TRIM8: variants seen among roughly 807,000 people sequenced by gnomAD.
The protein encoded by TRIM8 is E3 ubiquitin-protein ligase TRIM8.
Under a neutral mutation model 55.7 loss-of-function variants are expected in TRIM8, and 9 were observed. The ratio of observed to expected loss-of-function variants is 0.16; its 90% CI spans 0.10 to 0.28. TRIM8 has a LOEUF of 0.28. TRIM8 is among the 10% of genes least tolerant of loss of function. TRIM8 has a pLI of 1.00. For missense variants in TRIM8, 556 were observed against 736.4 expected (o/e 0.76, Z 2.83); for synonymous variants, 335 against 333.3 (o/e 1.01, Z -0.06).
chr10:102,656,604 TA>T lies in TRIM8; in HGVS notation c.1049-141del. On this transcript the variant is annotated intron_variant, in intron 5 of 5. Transcript: ENST00000643721. This position sits in a 1 kb window ranked among gnomAD's most constrained non-coding sequence, Gnocchi z 4.6. ...GGGGATATAACTATTCTGTACCTCC[TA>T]ATGGTAGAGGAGCAAGCATCACCTG... 7.3e-7 allele frequency: 1 copy of T among 1,376,842 alleles called. No homozygotes were observed. The highest frequency in any genetic ancestry group is 9.8e-7 in the Non-Finnish European group (1 of 1,019,514). The allele number at this position is 1,376,842 out of a possible 1,614,324, so 85.3% of individuals were successfully genotyped here.
intron 1 of TRIM8, among the ~76,000 whole-genome samples, chr10:102,652,761 G>A (rs898305614): frequency 1.1e-4 from 16 of 151,972 alleles, no homozygotes; most frequent in African/African-American, 3.4e-4. Flanking sequence ...CGTAGGTACT[G>A]GGCACTTGAA....
chr10:102,653,740 G>T (rs2064002517), intron 1 of TRIM8: 2 of 151,964 alleles, frequency 1.3e-5, no homozygotes, highest in African/African-American at 4.8e-5. Flanking sequence ...GAACAAGGGA[G>T]GGGGTGACTG....
rs749803935 is a variant in TRIM8, at chr10:102,657,342, C to T, written c.1644C>T (p.Tyr548=). Residue 548 remains tyrosine (Y), a synonymous_variant, in exon 6 of 6, where the codon TAC becomes TAT. Coordinates refer to ENST00000643721, the MANE Select transcript of TRIM8 (RefSeq NM_030912.3). The part of the protein sequence containing the change: ...RVYGQPSTKH[Y]VTS ...ATGGGCAGCCGTCCACCAAACACTA[C>T]GTGACGAGCTAACGCCACGCAGGCG... 9.5e-6 allele frequency: 15 copies of T among 1,577,458 alleles called. No homozygotes were observed. Among genetic ancestry groups the T allele is most frequent in the Non-Finnish European group, 1.2e-5 (14 of 1,158,148 alleles).
chr10:102,656,278 C>T lies in TRIM8; in HGVS notation c.941C>T (p.Thr314Ile), dbSNP rs757629566. ...SVKILMDRTQTCTSSSLSPTK... is the reference protein window; with the variant it reads ...SVKILMDRTQICTSSSLSPTK... ...CCGTCCACTGCCCCCAGGACCCAGACCTGCACGAGCAGCAGCCTTTCCCCC... is the reference window on the plus strand; with the variant it reads ...CCGTCCACTGCCCCCAGGACCCAGATCTGCACGAGCAGCAGCCTTTCCCCC... The change falls in exon 5 of 6, where the codon ACC (threonine) becomes ATC (isoleucine). Residue 314 changes from threonine to isoleucine, a missense_variant. By Grantham distance (89) the Thr-to-Ile change is moderately conservative. Around this residue, in one of 2 missense-constraint regions of TRIM8, gnomAD observed 391 missense variants for 441.0 expected, o/e 0.89. Transcript: ENST00000643721. This position sits in a 1 kb window ranked among gnomAD's most constrained non-coding sequence, Gnocchi z 4.6. 1 of 1,614,210 alleles carries T rather than the reference C, an allele frequency of 6.2e-7. No homozygotes were observed. Among genetic ancestry groups the T allele is most frequent in the Non-Finnish European group, 8.5e-7 (1 of 1,180,028 alleles).
Position 102,656,970 on chromosome 10 carries a change from C to G in TRIM8, c.1272C>G (p.His424Gln). The change falls in exon 6 of 6, where the codon CAC becomes CAG. Residue 424 changes from histidine to glutamine, a missense_variant. By Grantham distance (24) the His-to-Gln change is conservative. Transcript: ENST00000643721. The surrounding 1 kb of genome is among the most constrained non-coding windows in gnomAD (Gnocchi z 4.6). ...QPLGPCSSTQ[H>Q]LVALPGGAQP... ...TGGGGCCCTGCAGCTCCACGCAGCA[C>G]TTGGTGGCCCTGCCGGGCGGCGCCC... The G allele has an allele frequency of 6.2e-7, 1 of 1,612,630 alleles. No individual in the cohort carries two copies. The highest frequency in any genetic ancestry group is 8.5e-7 in the Non-Finnish European group (1 of 1,179,636).
intron 1 of TRIM8, among the ~76,000 whole-genome samples, chr10:102,648,820 TG>T (rs1435531291): frequency 6.6e-6 from 1 of 151,990 alleles, no homozygotes; most frequent in Non-Finnish European, 1.5e-5. Flanking sequence ...GTGACGGTCA[TG>T]TGGCCCCTTC....
At chr10:102,655,387 C>T in intron 3 of TRIM8, 74 bp downstream of exon 3, 2 of 1,380,008 alleles carry the variant, frequency 1.4e-6, no homozygotes, top group South Asian at 2.5e-5. Flanking sequence ...GTTTCCTGCA[C>T]CTGTAGCTCA....
rs1216063147 is a variant in TRIM8 at position 102,656,479 on chromosome 10, C to T, written c.1048+94C>T. ...CCTCCAAGAGGCAGTGTGGCCCAGT[C>T]TGGGAGACCTGTCCTCATATCCAGG... On this transcript the variant is annotated intron_variant, in intron 5 of 5. Transcript: ENST00000643721. This position sits in a 1 kb window ranked among gnomAD's most constrained non-coding sequence, Gnocchi z 4.6. The T allele has an allele frequency of 4.0e-6, 6 of 1,508,158 alleles. No individual in the cohort carries two copies. The highest frequency in any genetic ancestry group is 2.5e-5 in the East Asian group (1 of 40,796). The allele number at this position is 1,508,158 out of a possible 1,614,324, so 93.4% of individuals were successfully genotyped here.
chr10:102,652,310 GT>G (rs2063991821), intron 1 of TRIM8, among the ~76,000 whole-genome samples: 1 of 152,204 alleles, frequency 6.6e-6, no homozygotes, highest in Non-Finnish European at 1.5e-5. Flanking sequence ...GGCTGGCGGG[GT>G]GAGGAAGGGA....
At chr10:102,653,757 T>A (rs1407188786) in intron 1 of TRIM8, 3 of 152,204 alleles carry the variant, frequency 2.0e-5, no homozygotes, top group Admixed American at 2.0e-4. Flanking sequence ...ACTGGCCTGA[T>A]GCCCCCTAAT....
At chr10:102,654,128 A>G (rs2064005028) in intron 1 of TRIM8, 1 of 154,862 alleles carries the variant, frequency 6.5e-6, no homozygotes. Context: ...GCCCTCAGAA[A>G]GCTCAGGGTT....
At chr10:102,650,402 G>A (rs1017451120) in intron 1 of TRIM8, among the ~76,000 whole-genome samples, 14 of 152,156 alleles carry the variant, frequency 9.2e-5, no homozygotes, top group Non-Finnish European at 1.9e-4. Flanking sequence ...TGGGAATGGC[G>A]GCTCCTGATT....
At position 102,656,873 on chromosome 10, in the gene TRIM8, C is replaced by T. The variant is rs963285192; in HGVS notation, c.1175C>T (p.Ser392Leu). ...CCAGAGGCCAGTTTCCTAGAGACGT[C>T]GTCGGGCCCTGTGGGCGGCCAGTAC... is the stretch of plus-strand genomic sequence containing the variant. ...AFPEASFLET[S>L]SGPVGGQYGA... is the part of the protein sequence containing the mutation. Residue 392 changes from serine (S) to leucine (L), a missense_variant, in exon 6 of 6, where the codon TCG becomes TTG. Transcript: ENST00000643721. This position sits in a 1 kb window ranked among gnomAD's most constrained non-coding sequence, Gnocchi z 4.6. The T allele has an allele frequency of 4.5e-6, 7 of 1,571,058 alleles. No individual in the cohort carries two copies. Among genetic ancestry groups the T allele is most frequent in the Non-Finnish European group, 5.2e-6 (6 of 1,160,090 alleles).
Position 102,645,041 on chromosome 10 carries a change from G to A in TRIM8, c.424G>A (p.Ala142Thr). The change falls in exon 1 of 6, where the codon GCC becomes ACC. Residue 142 changes from alanine to threonine, a missense_variant. Around this residue, in one of 2 missense-constraint regions of TRIM8, gnomAD observed 165 missense variants for 295.3 expected, o/e 0.56. Transcript: ENST00000643721. ...HLLVEADDVR[A>T]WSCPQHNAYR... ...CCTGGTGGAGGCGGACGACGTGCGG[G>A]CCTGGAGCTGCCCGCAGCACAACGC... The A allele has an allele frequency of 6.3e-7, 1 of 1,591,488 alleles. No individual in the cohort carries two copies. Among genetic ancestry groups the A allele is most frequent in the East Asian group, 2.3e-5 (1 of 44,434 alleles).
rs2064025925 is a variant in TRIM8 at position 102,656,441 on chromosome 10, C to T, written c.1048+56C>T. 5.1e-6 allele frequency: 8 copies of T among 1,561,664 alleles called. No homozygotes were observed. The highest frequency in any genetic ancestry group is 6.9e-6 in the Non-Finnish European group (8 of 1,151,838). On this transcript the variant is annotated intron_variant, in intron 5 of 5. Coordinates refer to ENST00000643721, the MANE Select transcript of TRIM8 (RefSeq NM_030912.3). This position sits in a 1 kb window ranked among gnomAD's most constrained non-coding sequence, Gnocchi z 4.6. The stretch of plus-strand genomic sequence containing the variant: ...CAGGGACCTTTGGGGAGGGGTTCAG[C>T]GCCACAGCCTTCCCTCCAAGAGGCA...
At position 102,657,488 on chromosome 10, in the gene TRIM8, T is replaced by C; in HGVS notation, c.*134T>C. 1.7e-6 allele frequency: 2 copies of C among 1,167,992 alleles called. No homozygotes were observed. The highest frequency in any genetic ancestry group is 2.3e-6 in the Non-Finnish European group (2 of 861,032). 72.4% of individuals were successfully genotyped at this position (1,167,992 alleles called of 1,614,324 possible). A position where few individuals can be genotyped will look rare whatever the true frequency, so the allele number is the denominator to read the frequency against. On this transcript the variant is annotated 3_prime_UTR_variant, in exon 6 of 6. Transcript: ENST00000643721. Reference sequence around the variant, plus strand: ...CATTCCATTGCCCCAGGTCTTTTCCTTTTGGATTTTGTTTTGGTTTTGGCT... The same window carrying C: ...CATTCCATTGCCCCAGGTCTTTTCCCTTTGGATTTTGTTTTGGTTTTGGCT...
In TRIM8 at chr10:102,656,333, C is replaced by T. The variant is rs765473910; in HGVS notation, c.996C>T (p.Leu332=). 7 of 1,614,000 alleles carry T rather than the reference C, an allele frequency of 4.3e-6. No homozygotes were observed. The highest frequency in any genetic ancestry group is 5.1e-6 in the Non-Finnish European group (6 of 1,179,984). The change falls in exon 5 of 6, where the codon CTC becomes CTT. Residue 332 remains leucine (L), a synonymous_variant. Transcript: ENST00000643721. The surrounding 1 kb of genome is among the most constrained non-coding windows in gnomAD (Gnocchi z 4.6). ...PTKIGHLNSK[L]FLNEVAKKEK... is the part of the protein sequence containing the mutation. The stretch of plus-strand genomic sequence containing the variant: ...AGATCGGCCACCTGAACTCCAAGCT[C>T]TTCCTGAACGAAGTGGCCAAGAAGG...
At chr10:102,653,218 A>G (rs2063998543) in intron 1 of TRIM8, among the ~76,000 whole-genome samples, 1 of 152,210 alleles carries the variant, frequency 6.6e-6, no homozygotes, top group South Asian at 2.1e-4. Context: ...CGTAGCCAGG[A>G]CAGGGAGGGA....
Position 102,656,571 on chromosome 10 carries a change from C to A in TRIM8, c.1049-176C>A. On this transcript the variant is annotated intron_variant, in intron 5 of 5. Coordinates refer to ENST00000643721, the MANE Select transcript of TRIM8 (RefSeq NM_030912.3). The surrounding 1 kb of genome is among the most constrained non-coding windows in gnomAD (Gnocchi z 4.6). Reference sequence around the variant, plus strand: ...ACCTCCCCAGCCTCCATTTCTTCAGCTTAAAGTGGGGATATAACTATTCTG... The same window carrying A: ...ACCTCCCCAGCCTCCATTTCTTCAGATTAAAGTGGGGATATAACTATTCTG... 1 of 1,308,670 alleles carries A rather than the reference C, an allele frequency of 7.6e-7. No individual in the cohort carries two copies. 81.1% of individuals were successfully genotyped at this position (1,308,670 alleles called of 1,614,324 possible).
Sources: allele counts gnomAD v4.1 joint callset (sites outside exome capture counted in the v4.1 genomes callset), GRCh38; gene constraint gnomAD v4.1.1; regional missense constraint gnomAD v4.1.1; non-coding constraint Gnocchi (gnomAD v3.1); transcripts MANE v1.5; gene names NCBI Gene and HGNC (gene_info 2026-07-23, HGNC 2026-07-21).